The following MECOM variants were observed in gnomAD, a reference collection of about 807,000 sequenced individuals.
MECOM encodes MDS1 and EVI1 complex locus, also known as histone-lysine N-methyltransferase MECOM.
MECOM carries 13 observed loss-of-function variants against 116.3 expected under a neutral mutation model. That is an observed-to-expected ratio of 0.11 (90% CI 0.07 to 0.18). MECOM has a LOEUF of 0.18. Ranked by LOEUF, MECOM falls within the 10% of genes least tolerant of loss-of-function variation. The pLI, the probability that MECOM is intolerant of heterozygous loss-of-function variation, is 1.00. For missense variants in MECOM, 1,299 were observed against 1,509.0 expected (o/e 0.86, Z 2.31); for synonymous variants, 528 against 535.2 (o/e 0.99, Z 0.19).
chr3:169,097,321 C>T (rs1382610157), intron 12 of MECOM, among the ~76,000 whole-genome samples: 2 of 152,082 alleles, frequency 1.3e-5, no homozygotes. Context: ...TCTATCTCTC[C>T]TCTGCTAAAG....
intron 1 of MECOM, chr3:169,447,924 G>T (rs1398377208): frequency 6.6e-6 from 1 of 152,304 alleles, no homozygotes; most frequent in African/African-American, 2.4e-5. Context: ...GGCAAGAAAT[G>T]AAGCTGAAAT....
intron 2 of MECOM, among the ~76,000 whole-genome samples, chr3:169,168,171 G>GT (rs1472617016): frequency 6.6e-6 from 1 of 151,992 alleles, no homozygotes; most frequent in Non-Finnish European, 1.5e-5. Flanking sequence ...AATGCCAATA[G>GT]TTTTTTACCT....
intron 3 of MECOM, chr3:169,134,100 G>A (rs1735626023): frequency 3.2e-5 from 12 of 369,338 alleles, no homozygotes; most frequent in South Asian, 2.2e-4. Context: ...TTAGACACAC[G>A]TCAGGTCATT....
chr3:169,295,565 T>G (rs1190233118), intron 2 of MECOM, among the ~76,000 whole-genome samples: 8 of 152,198 alleles, frequency 5.3e-5, no homozygotes, highest in Non-Finnish European at 1.2e-4. Context: ...TAGAAAACAT[T>G]TCCATTATGC....
chr3:169,206,577 C>T (rs1161308618), intron 2 of MECOM, among the ~76,000 whole-genome samples: 1 of 151,710 alleles, frequency 6.6e-6, no homozygotes, highest in Non-Finnish European at 1.5e-5. Context: ...CATGGTGAAA[C>T]TCCGTCTCTA....
At chr3:169,158,708 T>C (rs1254390364) in intron 2 of MECOM, among the ~76,000 whole-genome samples, 3 of 152,222 alleles carry the variant, frequency 2.0e-5, no homozygotes, top group African/African-American at 7.2e-5. Flanking sequence ...TTGATTATAC[T>C]TGATTTTCAA....
At chr3:169,495,918 G>C (rs1161345662) in intron 1 of MECOM, among the ~76,000 whole-genome samples, 1 of 152,110 alleles carries the variant, frequency 6.6e-6, no homozygotes, top group Admixed American at 6.6e-5. Flanking sequence ...CTGATGTGAG[G>C]ATCTCATGAG....
intron 2 of MECOM, among the ~76,000 whole-genome samples, chr3:169,185,494 T>C (rs894120115): frequency 6.6e-6 from 1 of 152,010 alleles, no homozygotes; most frequent in Non-Finnish European, 1.5e-5. Context: ...TGCAATAAGA[T>C]AAAAAGTGAA....
intron 2 of MECOM, among the ~76,000 whole-genome samples, chr3:169,200,809 T>C (rs1749046246): frequency 1.3e-5 from 2 of 152,092 alleles, no homozygotes; most frequent in Non-Finnish European, 2.9e-5. Context: ...TCTAGCATTG[T>C]TCTGTCCTCC....
In MECOM at chr3:169,298,028, A is replaced by G. The variant is rs887756914; in HGVS notation, c.375+83159T>C. Among the ~76,000 whole-genome samples, 10 of 152,330 alleles carry G rather than the reference A, an allele frequency of 6.6e-5. 1 individual carries two copies. The highest frequency in any genetic ancestry group is 1.5e-5 in the Non-Finnish European group (1 of 68,026). The stretch of plus-strand genomic sequence containing the variant: ...ACATCACCATAAAAACTGATTATAC[A>G]TCATCCACGGCAATATTATCATCCA... On this transcript the variant is annotated intron_variant, in intron 2 of 16. Transcript: ENST00000651503.
At chr3:169,477,913 A>T (rs1030066534) in intron 1 of MECOM, among the ~76,000 whole-genome samples, 8 of 152,248 alleles carry the variant, frequency 5.3e-5, no homozygotes, top group African/African-American at 1.9e-4. Flanking sequence ...TGCAGTCAAA[A>T]TACCACAGAA....
chr3:169,589,412 C>T (rs1461838181), intron 1 of MECOM, among the ~76,000 whole-genome samples: 4 of 152,086 alleles, frequency 2.6e-5, no homozygotes, highest in Non-Finnish European at 5.9e-5. Context: ...CATATCCCTA[C>T]GCCTCTCTAG....
At chr3:169,157,328 AGTC>A (rs1742145860) in intron 2 of MECOM, among the ~76,000 whole-genome samples, 1 of 152,238 alleles carries the variant, frequency 6.6e-6, no homozygotes, top group Non-Finnish European at 1.5e-5. Context: ...GAATGTGTTA[AGTC>A]ATTATCAATG....
chr3:169,234,874 G>A (rs1181760283), intron 2 of MECOM, among the ~76,000 whole-genome samples: 1 of 152,104 alleles, frequency 6.6e-6, no homozygotes, highest in Non-Finnish European at 1.5e-5. Context: ...GTTCCCAGAG[G>A]AATTAAAATT....
chr3:169,368,371 G>A (rs537109886), intron 2 of MECOM, among the ~76,000 whole-genome samples: 1 of 152,118 alleles, frequency 6.6e-6, no homozygotes, highest in Admixed American at 6.5e-5. Context: ...TTATCAAAAT[G>A]ATTGTATGAT....
At chr3:169,483,872 G>C (rs1560337076) in intron 1 of MECOM, 6 of 1,610,764 alleles carry the variant, frequency 3.7e-6, no homozygotes, top group Non-Finnish European at 1.7e-6. Context: ...TCCTTTCGAT[G>C]GTCACCACCC....
chr3:169,124,064 A>C (rs1437075921), intron 5 of MECOM, among the ~76,000 whole-genome samples: 1 of 152,132 alleles, frequency 6.6e-6, no homozygotes, highest in Non-Finnish European at 1.5e-5. Flanking sequence ...ATGATGAAAC[A>C]ATGATAGAGT....
At position 169,534,839 on chromosome 3, in the gene MECOM, A is replaced by G. The variant is rs116012353; in HGVS notation, c.37+128497T>C. ...GTGGGATGTGCTGGGATGAGCTGGG[A>G]TGTGAACCCCAATGGTCTGACTCCA... On this transcript the variant is annotated intron_variant, in intron 1 of 16. Coordinates refer to ENST00000651503, the MANE Select transcript of MECOM (RefSeq NM_004991.4). Among the ~76,000 whole-genome samples the G allele has an allele frequency of 9.3e-3, 1,424 of 152,310 alleles. 21 individuals carry two copies. Among genetic ancestry groups the G allele is most frequent in the South Asian group, 0.029 (138 of 4,826 alleles).
chr3:169,128,668 A>G (rs891877679), intron 4 of MECOM, among the ~76,000 whole-genome samples: 4 of 152,220 alleles, frequency 2.6e-5, no homozygotes, highest in African/African-American at 4.8e-5. Context: ...ATCATCACTA[A>G]TAATGGGACA....
Sources: gnomAD v4.1 joint callset for allele counts (sites outside exome capture counted in the v4.1 genomes callset) on GRCh38, gnomAD v4.1.1 for gene constraint, MANE v1.5 for transcripts, NCBI Gene and HGNC (gene_info 2026-07-23, HGNC 2026-07-21) for gene names.